The following CNOT10 variants were observed in gnomAD, a reference collection of about 807,000 sequenced individuals.
CNOT10 encodes the protein CCR4-NOT transcription complex subunit 10.
CNOT10 carries 30 observed loss-of-function variants against 94.6 expected under a neutral mutation model. The ratio of observed to expected loss-of-function variants is 0.32; its 90% CI spans 0.24 to 0.43. The LOEUF is 0.43. Ranked by LOEUF, CNOT10 falls within the 20% of genes least tolerant of loss-of-function variation. The pLI is 1.00. For missense variants in CNOT10, 759 were observed against 877.2 expected, an observed-to-expected ratio of 0.87 and a Z score of 1.70; for synonymous variants, 289 against 301.6, an observed-to-expected ratio of 0.96 and a Z score of 0.43.
chr3:32,747,291 G>A (rs1699742341), intron 13 of CNOT10, among the ~76,000 whole-genome samples: 1 of 151,852 alleles, frequency 6.6e-6, no homozygotes, highest in Admixed American at 6.6e-5. Flanking sequence ...ACTGGCGCAT[G>A]CCTGTAATCC....
intron 1 of CNOT10, among the ~76,000 whole-genome samples, chr3:32,687,438 G>GGTTTTTTTTTT (rs1553626984): frequency 0.13 from 1,917 of 14,706 alleles, 65 homozygotes; most frequent in South Asian, 0.35. Context: ...AAGTCCTCAC[G>GGTTTTTTTTTT]GTTTTTTTTT....
Position 32,700,275 on chromosome 3 carries a change from C to G in CNOT10, c.23-3593C>G, listed in dbSNP as rs572851878. Among the ~76,000 whole-genome samples the G allele has an allele frequency of 4.6e-5, 7 of 152,178 alleles. No individual in the cohort carries two copies. In the South Asian group the frequency reaches 1.5e-3, roughly 32 times the overall value. ...ACAGGCGTGAGCCACTGCGCCCGGC[C>G]TCAGTTTCTTTATAGAAGCATGTTT... On this transcript the variant is annotated intron_variant, in intron 1 of 18. Coordinates refer to ENST00000328834, the MANE Select transcript of CNOT10 (RefSeq NM_015442.3).
intron 15 of CNOT10, 23 bp from the exon 16 acceptor site, chr3:32,764,432 G>C (rs1355583329): frequency 1.2e-6 from 2 of 1,613,082 alleles, no homozygotes; most frequent in Non-Finnish European, 8.5e-7. Flanking sequence ...CTGCCCCTCA[G>C]ATTTATTTTC....
chr3:32,744,521 A>G (rs1388522663), intron 13 of CNOT10, among the ~76,000 whole-genome samples: 1 of 152,192 alleles, frequency 6.6e-6, no homozygotes, highest in Non-Finnish European at 1.5e-5. Flanking sequence ...TAACCAATTT[A>G]CCAAGTATAT....
At position 32,703,854 on chromosome 3, in the gene CNOT10, T is replaced by G; in HGVS notation, c.23-14T>G. 1 of 1,594,026 alleles carries G rather than the reference T, an allele frequency of 6.3e-7. No individual in the cohort carries two copies. The highest frequency in any genetic ancestry group is 1.7e-5 in the Admixed American group (1 of 59,622). ...TTTTATTTCTAAAGAACTGTAAAAT[T>G]TGTGTGTTTGCAGATCAGGGAGCAG... On this transcript the variant is annotated splice_polypyrimidine_tract_variant and intron_variant, in intron 1 of 18. Transcript: ENST00000328834.
At chr3:32,690,006 C>T (rs1696784985) in intron 1 of CNOT10, among the ~76,000 whole-genome samples, 1 of 152,112 alleles carries the variant, frequency 6.6e-6, no homozygotes, top group Non-Finnish European at 1.5e-5. Context: ...GGAGCAAAGG[C>T]AGCATGGCAA....
intron 4 of CNOT10, among the ~76,000 whole-genome samples, chr3:32,712,111 A>T (rs367654551): frequency 4.7e-5 from 7 of 149,100 alleles, no homozygotes; most frequent in Non-Finnish European, 8.9e-5. Context: ...ATTTTCTGAT[A>T]TACTCCAGCC....
At chr3:32,763,890 G>C (rs918851024) in intron 15 of CNOT10, among the ~76,000 whole-genome samples, 14 of 152,090 alleles carry the variant, frequency 9.2e-5, no homozygotes, top group African/African-American at 2.9e-4. Flanking sequence ...CAGCACTTTG[G>C]GAGGCTGTGG....
chr3:32,709,452 C>T (rs138215765), intron 4 of CNOT10, among the ~76,000 whole-genome samples: 1 of 152,236 alleles, frequency 6.6e-6, no homozygotes, highest in East Asian at 1.9e-4. Context: ...CTTTTACATT[C>T]AAAACACAAA....
chr3:32,737,409 GCAGTAAAAGC>G lies in CNOT10; in HGVS notation c.1517_1526del (p.Ser506MetfsTer15). The G allele has an allele frequency of 6.3e-7, 1 of 1,591,852 alleles. No individual in the cohort carries two copies. The highest frequency in any genetic ancestry group is 2.2e-5 in the East Asian group (1 of 44,754). Reference sequence around the variant, plus strand: ...AATTAAGACTCTTACCTCTATTTTAGCAGTAAAAGCCATGATGGAGATAAATTCATTCCAG... The same window carrying G: ...AATTAAGACTCTTACCTCTATTTTAGCATGATGGAGATAAATTCATTCCAG... On this transcript the variant is annotated frameshift_variant and splice_region_variant, in exon 13 of 19. Coordinates refer to ENST00000328834, the MANE Select transcript of CNOT10 (RefSeq NM_015442.3). LOFTEE classifies it high-confidence loss of function.
chr3:32,746,064 C>T (rs905210608), intron 13 of CNOT10, among the ~76,000 whole-genome samples: 1 of 152,180 alleles, frequency 6.6e-6, no homozygotes, highest in Admixed American at 6.5e-5. Flanking sequence ...TTTTCTTTTC[C>T]TTCGCATAAG....
intron 12 of CNOT10, among the ~76,000 whole-genome samples, chr3:32,735,344 C>CAAAAAAAAAAAAA (rs1267480500): frequency 4.6e-5 from 7 of 150,998 alleles, no homozygotes; most frequent in African/African-American, 1.5e-4. Flanking sequence ...GACTTCATCT[C>CAAAAAAAAAAAAA]AAAAAAGAAA....
Position 32,716,451 on chromosome 3 carries a change from T to G in CNOT10, c.660+140T>G. 5 of 487,594 alleles carry G rather than the reference T, an allele frequency of 1.0e-5. No individual in the cohort carries two copies. The East Asian group carries it at 1.7e-4, about 16-fold the overall frequency. The allele number at this position is 487,594 out of a possible 1,614,324, so 30.2% of individuals were successfully genotyped here. The stretch of plus-strand genomic sequence containing the variant: ...TGTTTGTCTTTTGAAGTATTGTAGT[T>G]TAGAAGCACATTTATCCTAAATACA... On this transcript the variant is annotated intron_variant, in intron 6 of 18. Transcript: ENST00000328834.
At chr3:32,716,340 C>A in intron 6 of CNOT10, 29 bp downstream of exon 6, 1 of 1,060,484 alleles carries the variant, frequency 9.4e-7, no homozygotes, top group Non-Finnish European at 1.4e-6. Flanking sequence ...GGGGGCAATA[C>A]ATCACATATA....
At chr3:32,746,111 GACAA>G (rs1434772937) in intron 13 of CNOT10, among the ~76,000 whole-genome samples, 2 of 152,120 alleles carry the variant, frequency 1.3e-5, no homozygotes, top group Non-Finnish European at 2.9e-5. Context: ...CCATTTATAT[GACAA>G]ACAAAACTTT....
At chr3:32,691,945 G>T (rs1323932048) in intron 1 of CNOT10, among the ~76,000 whole-genome samples, 1 of 151,488 alleles carries the variant, frequency 6.6e-6, no homozygotes, top group Non-Finnish European at 1.5e-5. Flanking sequence ...ACCTACAAGG[G>T]AGGGTGAGGT....
intron 1 of CNOT10, among the ~76,000 whole-genome samples, chr3:32,701,724 G>T (rs1180843933): frequency 3.3e-5 from 5 of 152,142 alleles, no homozygotes; most frequent in African/African-American, 9.7e-5. Flanking sequence ...TGTGCTTTCT[G>T]TACAGCCTGT....
chr3:32,711,877 A>G (rs1697904078), intron 4 of CNOT10, among the ~76,000 whole-genome samples: 1 of 152,212 alleles, frequency 6.6e-6, no homozygotes, highest in African/African-American at 2.4e-5. Flanking sequence ...AGGTGCAGTG[A>G]GATTCCCTTG....
chr3:32,769,521 A>T (rs1335094142), intron 17 of CNOT10: 1 of 193,882 alleles, frequency 5.2e-6, no homozygotes, highest in East Asian at 1.2e-4. Context: ...TATTCCTGAC[A>T]TTGACAACTT....
Sources: allele counts gnomAD v4.1 joint callset (sites outside exome capture counted in the v4.1 genomes callset), GRCh38; gene constraint gnomAD v4.1.1; transcripts MANE v1.5; gene names NCBI Gene and HGNC (gene_info 2026-07-23, HGNC 2026-07-21).